NF2: variants seen among roughly 807,000 people sequenced by gnomAD.
NF2 encodes merlin.
In NF2, 8 loss-of-function variants were observed where a neutral mutation model predicts 83.7. That is an observed-to-expected ratio of 0.10 (90% CI 0.06 to 0.17). The LOEUF (loss-of-function observed/expected upper bound fraction) is 0.17, where lower values mean the gene tolerates loss of function less well. Among genes scored for constraint, NF2 ranks in the 10% least tolerant of loss-of-function variants. The pLI, the probability that NF2 is intolerant of heterozygous loss-of-function variation, is 1.00. For synonymous variants in NF2, 266 were observed against 269.6 expected (o/e 0.99, Z 0.13); for missense variants, 533 against 744.4 (o/e 0.72, Z 3.31).
At chr22:29,659,541 T>C (rs1369899667) in intron 7 of NF2, among the ~76,000 whole-genome samples, 1 of 152,194 alleles carries the variant, frequency 6.6e-6, no homozygotes, top group Non-Finnish European at 1.5e-5. Flanking sequence ...TTTCCTATAT[T>C]GAGCAATAGA....
At chr22:29,604,650 C>T (rs1458597324) in intron 1 of NF2, among the ~76,000 whole-genome samples, 2 of 152,156 alleles carry the variant, frequency 1.3e-5, no homozygotes, top group African/African-American at 4.8e-5. Context: ...ATCCTCAGAA[C>T]AAACCCATTT....
chr22:29,680,570 AG>A (rs753623242), intron 14 of NF2, among the ~76,000 whole-genome samples: 43 of 152,300 alleles, frequency 2.8e-4, no homozygotes, highest in Middle Eastern at 3.4e-3. Context: ...CATGCCTTGT[AG>A]TTGGACACTT....
At chr22:29,626,867 A>T (rs1181586234) in intron 1 of NF2, among the ~76,000 whole-genome samples, 1 of 152,182 alleles carries the variant, frequency 6.6e-6, no homozygotes, top group East Asian at 1.9e-4. Context: ...TGCTCTGCAA[A>T]ATTATTCTCA....
At chr22:29,672,328 T>TTTTTG (rs1429345394) in intron 11 of NF2, among the ~76,000 whole-genome samples, 1 of 151,122 alleles carries the variant, frequency 6.6e-6, no homozygotes, top group African/African-American at 2.4e-5. Context: ...TTTTTTTTTT[T>TTTTTG]TGAGACGGAG....
At chr22:29,678,523 C>T (rs556262546) in intron 14 of NF2, among the ~76,000 whole-genome samples, 200 bp downstream of exon 14, 2 of 152,208 alleles carry the variant, frequency 1.3e-5, no homozygotes, top group South Asian at 2.1e-4. Flanking sequence ...TCATTCTGAA[C>T]GAATAAAAAT....
chr22:29,661,218 C>A lies in NF2; in HGVS notation c.689C>A (p.Thr230Lys). Residue 230 changes from threonine to lysine, a missense_variant, in exon 8 of 16, where the codon ACA (threonine) becomes AAA (lysine). Physicochemically the swap from Thr to Lys is moderately conservative, Grantham distance 78 (BLOSUM62 -1). This residue lies in a region of NF2 where 326 missense variants were observed against 475.1 expected (regional missense o/e 0.69). Transcript: ENST00000338641. ...NYFAIRNKKG[T>K]ELLLGVDALG... ...TTGGATCCACAGAATAAAAAGGGCA[C>A]AGAGCTGCTGCTTGGAGTGGATGCC... 6.2e-7 allele frequency: 1 copy of A among 1,614,220 alleles called. No homozygotes were observed. Among genetic ancestry groups the A allele is most frequent in the East Asian group, 2.2e-5 (1 of 44,886 alleles).
chr22:29,683,084 T>G, intron 15 of NF2: 2 of 1,614,190 alleles, frequency 1.2e-6, no homozygotes, highest in Non-Finnish European at 1.7e-6. Context: ...TCCCAGGTAC[T>G]CTCTATGTGG....
intron 1 of NF2, among the ~76,000 whole-genome samples, chr22:29,606,183 A>G (rs1037143146): frequency 2.6e-5 from 4 of 152,088 alleles, no homozygotes; most frequent in Non-Finnish European, 4.4e-5. Flanking sequence ...TGAACTCCCT[A>G]CCTCAGGTGA....
chr22:29,610,953 A>G (rs1469110362), intron 1 of NF2, among the ~76,000 whole-genome samples: 3 of 152,212 alleles, frequency 2.0e-5, no homozygotes, highest in Admixed American at 6.6e-5. Context: ...CCAGTAACAT[A>G]TAAAAATAAT....
intron 4 of NF2, among the ~76,000 whole-genome samples, chr22:29,654,168 T>C (rs192268712): frequency 1.0e-3 from 154 of 152,360 alleles, no homozygotes; most frequent in Middle Eastern, 3.4e-3. Context: ...ATCAGATTTT[T>C]CCAAAGTATT....
intron 15 of NF2, among the ~76,000 whole-genome samples, chr22:29,682,635 A>C (rs534962847): frequency 6.6e-6 from 1 of 152,320 alleles, no homozygotes; most frequent in East Asian, 1.9e-4. Flanking sequence ...CTTCCCTTCC[A>C]AAACAAAATT....
At chr22:29,628,653 G>A in intron 1 of NF2, among the ~76,000 whole-genome samples, 1 of 110,402 alleles carries the variant, frequency 9.1e-6, no homozygotes, top group East Asian at 2.7e-4. Context: ...TTTTTTTTGA[G>A]ATAGTCTTGC....
In NF2 at chr22:29,696,072, T is replaced by TC. The variant is rs1383162637; in HGVS notation, c.*1270_*1271insC. 1.4e-5 allele frequency: 3 copies of TC among 222,054 alleles called. No homozygotes were observed. Among genetic ancestry groups the TC allele is most frequent in the African/African-American group, 7.0e-5 (3 of 42,586 alleles). The allele number at this position is 222,054 out of a possible 1,614,324, so 13.8% of individuals were successfully genotyped here. The stretch of plus-strand genomic sequence containing the variant: ...GGCCACCTTCTTGCCCTTTCTTTTT[T>TC]TTTTTTTTTTTTTTTTTCCGAGATG... On this transcript the variant is annotated 3_prime_UTR_variant, in exon 16 of 16. Transcript: ENST00000338641.
rs781593146 is a variant in NF2, at chr22:29,639,183, G to A, written c.334G>A (p.Glu112Lys). The A allele has an allele frequency of 1.9e-6, 3 of 1,614,156 alleles. No homozygotes were observed. Among genetic ancestry groups the A allele is most frequent in the Admixed American group, 3.3e-5 (2 of 60,030 alleles). Residue 112 changes from glutamate (E) to lysine (K), a missense_variant, in exon 3 of 16, where the codon GAG becomes AAG. Physicochemically the swap from Glu to Lys is moderately conservative, Grantham distance 56. This residue lies in a region of NF2 where 326 missense variants were observed against 475.1 expected (regional missense o/e 0.69). Transcript: ENST00000338641. ...GAATGCTGAAGAGGAGCTGGTTCAG[G>A]AGATCACACAACATTTATTCTTCTT... is the stretch of plus-strand genomic sequence containing the variant. ...PENAEEELVQ[E>K]ITQHLFFLQV...
intron 1 of NF2, among the ~76,000 whole-genome samples, chr22:29,615,556 C>G (rs566822026): frequency 6.6e-6 from 1 of 152,030 alleles, no homozygotes; most frequent in Non-Finnish European, 1.5e-5. Context: ...GTAATCAAAG[C>G]GAGACCCTGT....
intron 3 of NF2, among the ~76,000 whole-genome samples, chr22:29,639,941 A>C (rs2146878927): frequency 6.6e-6 from 1 of 150,388 alleles, no homozygotes; most frequent in South Asian, 2.1e-4. Context: ...TCACCCCTGT[A>C]ATCCCAGCAC....
At position 29,697,469 on chromosome 22, in the gene NF2, G is replaced by T; in HGVS notation, c.*2667G>T. 5.3e-6 allele frequency: 1 copy of T among 187,886 alleles called. No homozygotes were observed. Among genetic ancestry groups the T allele is most frequent in the Non-Finnish European group, 1.1e-5 (1 of 89,030 alleles). The allele number at this position is 187,886 out of a possible 1,614,324, so 11.6% of individuals were successfully genotyped here. ...AGATGGAGAAGGTGGAGAGGAGGATGGGCCTCAGGAGCATCTCAAGCCCCA... is the reference window on the plus strand; with the variant it reads ...AGATGGAGAAGGTGGAGAGGAGGATTGGCCTCAGGAGCATCTCAAGCCCCA... On this transcript the variant is annotated 3_prime_UTR_variant, in exon 16 of 16. Transcript: ENST00000338641.
At chr22:29,630,704 G>A (rs1324066469) in intron 1 of NF2, among the ~76,000 whole-genome samples, 1 of 152,198 alleles carries the variant, frequency 6.6e-6, no homozygotes, top group African/African-American at 2.4e-5. Flanking sequence ...TGCAAAATGA[G>A]CATCTGCCTC....
At chr22:29,643,415 TTCCTA>T (rs1156728022) in intron 4 of NF2, among the ~76,000 whole-genome samples, 1 of 152,132 alleles carries the variant, frequency 6.6e-6, no homozygotes, top group Non-Finnish European at 1.5e-5. Context: ...GTCTCTGGTT[TTCCTA>T]GGCAGAGGAC....
Sources: gnomAD v4.1 joint callset for allele counts (sites outside exome capture counted in the v4.1 genomes callset) on GRCh38, gnomAD v4.1.1 for gene constraint, gnomAD v4.1.1 regional missense constraint, MANE v1.5 for transcripts, NCBI Gene and HGNC (gene_info 2026-07-23, HGNC 2026-07-21) for gene names.